The following EYS variants were observed in gnomAD, a reference collection of about 807,000 sequenced individuals.
EYS encodes the protein protein eyes shut homolog.
A neutral mutation model predicts 282.1 loss-of-function variants in EYS; 250 were observed. The ratio of observed to expected loss-of-function variants is 0.89; its 90% CI spans 0.80 to 0.98. EYS has a LOEUF of 0.98. EYS is among the 50% of genes least tolerant of loss of function. The pLI is 0.00. For synonymous variants in EYS, 1,355 were observed against 1,282.9 expected (o/e 1.06, Z -1.20); for missense variants, 4,016 against 3,709.0 (o/e 1.08, Z -2.15).
chr6:64,550,620 G>A lies in EYS; in HGVS notation c.5644+39603C>T, dbSNP rs187544642. On this transcript the variant is annotated intron_variant, in intron 26 of 42. Coordinates refer to ENST00000503581, the MANE Select transcript of EYS (RefSeq NM_001142800.2). Reference sequence around the variant, plus strand: ...TGGAAGTTCTGGCTAGGGCAATCAGGCAGGAGAAGGAAATAAAGGGTATTC... The same window carrying A: ...TGGAAGTTCTGGCTAGGGCAATCAGACAGGAGAAGGAAATAAAGGGTATTC... 1.8e-4 allele frequency among the ~76,000 whole-genome samples: 27 copies of A among 152,222 alleles called. No individual in the cohort carries two copies. In the East Asian group the frequency reaches 5.0e-3, roughly 28 times the overall value.
intron 22 of EYS, among the ~76,000 whole-genome samples, chr6:64,800,595 C>A (rs1345607733): frequency 6.9e-6 from 1 of 145,924 alleles, no homozygotes; most frequent in East Asian, 2.0e-4. Context: ...TTTAGTCTTG[C>A]TGCTTATTTA....
chr6:64,118,989 A>G (rs1447071127), intron 31 of EYS, among the ~76,000 whole-genome samples: 5 of 152,164 alleles, frequency 3.3e-5, no homozygotes, highest in Admixed American at 6.5e-5. Flanking sequence ...TAAAATCACA[A>G]TGAGATATCA....
chr6:64,582,482 A>G (rs1199144412), intron 26 of EYS, among the ~76,000 whole-genome samples: 2 of 152,072 alleles, frequency 1.3e-5, no homozygotes, highest in South Asian at 2.1e-4. Context: ...GCTGATGTAC[A>G]TGAATTGGTA....
chr6:64,880,873 T>C (rs2150059729), intron 19 of EYS, among the ~76,000 whole-genome samples: 1 of 151,062 alleles, frequency 6.6e-6, no homozygotes, highest in South Asian at 2.1e-4. Context: ...CACGCTCTAG[T>C]ATGTATATTA....
chr6:65,407,505 C>G (rs1009501631), intron 5 of EYS, among the ~76,000 whole-genome samples: 1 of 152,114 alleles, frequency 6.6e-6, no homozygotes, highest in African/African-American at 2.4e-5. Context: ...CTGCCCGTCT[C>G]GGCCTCCCAA....
intron 12 of EYS, among the ~76,000 whole-genome samples, chr6:65,128,751 AC>A (rs1318537952): frequency 9.2e-5 from 14 of 152,160 alleles, no homozygotes; most frequent in Admixed American, 8.5e-4. Context: ...AAAGCAATGT[AC>A]AGATTCAGCA....
intron 8 of EYS, among the ~76,000 whole-genome samples, chr6:65,364,476 T>C (rs1410327843): frequency 6.6e-6 from 1 of 151,508 alleles, no homozygotes; most frequent in African/African-American, 2.4e-5. Flanking sequence ...TCATTACAGA[T>C]ATGCACTTCA....
chr6:64,961,446 A>G lies in EYS; in HGVS notation c.2260-15532T>C, dbSNP rs190183973. Among the ~76,000 whole-genome samples the G allele has an allele frequency of 4.2e-5, 5 of 120,208 alleles. 1 individual carries two copies. Among genetic ancestry groups the G allele is most frequent in the African/African-American group, 2.6e-4 (5 of 19,330 alleles). The allele number at this position is 120,208 out of a possible 152,430, so 78.9% of individuals were successfully genotyped here. On this transcript the variant is annotated intron_variant, in intron 14 of 42. Transcript: ENST00000503581. ...ATGAAGTGATCAGTTATCCTTTCCA[A>G]TATATCATATATATATATATATACA...
At position 64,287,800 on chromosome 6, in the gene EYS, C is replaced by T. The variant is rs1434120069; in HGVS notation, c.6191+19170G>A. ...GACCGGAAAGATTATCATATTATCA[C>T]GGCTTTGCTCGTAGAGAACTTTTGG... On this transcript the variant is annotated intron_variant, in intron 30 of 42. Coordinates refer to ENST00000503581, the MANE Select transcript of EYS (RefSeq NM_001142800.2). Among the ~76,000 whole-genome samples, 9 of 152,240 alleles carry T rather than the reference C, an allele frequency of 5.9e-5. No individual in the cohort carries two copies. The South Asian group carries it at 8.3e-4, about 14-fold the overall frequency.
At chr6:65,512,092 T>C (rs1285663899) in intron 2 of EYS, among the ~76,000 whole-genome samples, 1 of 151,750 alleles carries the variant, frequency 6.6e-6, no homozygotes, top group African/African-American at 2.4e-5. Flanking sequence ...AATAAGTTGA[T>C]CACCTTCAGG....
At chr6:64,081,222 A>G (rs988021577) in intron 32 of EYS, among the ~76,000 whole-genome samples, 1 of 152,190 alleles carries the variant, frequency 6.6e-6, no homozygotes, top group African/African-American at 2.4e-5. Flanking sequence ...ATTTATTTCA[A>G]AAGAGAAAAC....
intron 35 of EYS, among the ~76,000 whole-genome samples, chr6:63,968,026 TTATG>T (rs1766385777): frequency 6.6e-6 from 1 of 152,196 alleles, no homozygotes; most frequent in South Asian, 2.1e-4. Context: ...TAGTTTTAGG[TTATG>T]TGAGATTGTA....
intron 26 of EYS, among the ~76,000 whole-genome samples, chr6:64,538,066 G>A (rs1200471808): frequency 1.3e-5 from 2 of 152,122 alleles, no homozygotes; most frequent in Non-Finnish European, 2.9e-5. Context: ...TAGCTAGGAT[G>A]CATTAAAAAA....
At chr6:64,685,097 A>G (rs895655720) in intron 22 of EYS, among the ~76,000 whole-genome samples, 6 of 152,150 alleles carry the variant, frequency 3.9e-5, no homozygotes, top group Non-Finnish European at 1.5e-5. Flanking sequence ...ATGTTGTGGA[A>G]ACAAAAAGTA....
At chr6:64,421,977 T>C (rs1333303950) in intron 28 of EYS, among the ~76,000 whole-genome samples, 1 of 151,574 alleles carries the variant, frequency 6.6e-6, no homozygotes, top group Non-Finnish European at 1.5e-5. Flanking sequence ...TCACAACAAC[T>C]GGAACGATTT....
At position 65,696,713 on chromosome 6, in the gene EYS, G is replaced by A. The variant is rs1769469465; in HGVS notation, c.-448+10422C>T. ...CTTGAGTCTTGCACATCCTAAAAATGAAATGCTATTTTAATAATGATAAAT... is the reference window on the plus strand; with the variant it reads ...CTTGAGTCTTGCACATCCTAAAAATAAAATGCTATTTTAATAATGATAAAT... On this transcript the variant is annotated intron_variant, in intron 1 of 42. Transcript: ENST00000503581. Among the ~76,000 whole-genome samples, 4 of 151,920 alleles carry A rather than the reference G, an allele frequency of 2.6e-5. 1 individual carries two copies. In the South Asian group the frequency reaches 8.3e-4, roughly 31 times the overall value.
intron 31 of EYS, among the ~76,000 whole-genome samples, chr6:64,100,844 T>C (rs1722243819): frequency 6.6e-6 from 1 of 152,172 alleles, no homozygotes; most frequent in African/African-American, 2.4e-5. Flanking sequence ...AGTAGTTTTC[T>C]TGTTGCTTTT....
chr6:64,387,859 G>A (rs570325530), intron 29 of EYS, among the ~76,000 whole-genome samples: 98 of 151,926 alleles, frequency 6.5e-4, no homozygotes, highest in African/African-American at 2.3e-3. Context: ...TTGTTTTTAT[G>A]TCTATTTTTG....
At chr6:65,493,300 A>C (rs549200978) in intron 4 of EYS, among the ~76,000 whole-genome samples, 46 of 152,284 alleles carry the variant, frequency 3.0e-4, no homozygotes, top group African/African-American at 1.1e-3. Context: ...AATCCCCCTA[A>C]AGCCTGCCTA....
Sources: allele counts gnomAD v4.1 joint callset (sites outside exome capture counted in the v4.1 genomes callset), GRCh38; gene constraint gnomAD v4.1.1; transcripts MANE v1.5; gene names NCBI Gene and HGNC (gene_info 2026-07-23, HGNC 2026-07-21).